The following HS6ST2 variants were observed in gnomAD, a reference collection of about 807,000 sequenced individuals.
HS6ST2 encodes the protein heparan sulfate 6-O-sulfotransferase 2.
In HS6ST2, 17 loss-of-function variants were observed where a neutral mutation model predicts 33.0. The ratio of observed to expected loss-of-function variants is 0.52; its 90% CI spans 0.35 to 0.77. The LOEUF (loss-of-function observed/expected upper bound fraction) is 0.77. Among genes scored for constraint, HS6ST2 ranks in the 30% least tolerant of loss-of-function variants. The pLI is 0.01. For missense variants in HS6ST2, 519 were observed against 551.7 expected (o/e 0.94, Z 0.59); for synonymous variants, 248 against 237.1 (o/e 1.05, Z -0.42).
At chrX:132,741,241 T>C (rs1181568852) in intron 2 of HS6ST2, among the ~76,000 whole-genome samples, 2 of 111,131 alleles carry the variant, frequency 1.8e-5, no homozygotes, top group Non-Finnish European at 3.8e-5. Flanking sequence ...CTTTAAGACT[T>C]GTTCTAGCCC....
chrX:132,958,892 A>G (rs1324640399), upstream of HS6ST2: 15 of 314,613 alleles, frequency 4.8e-5, no homozygotes, highest in African/African-American at 3.2e-4. Context: ...TCAGCATGAT[A>G]AAAAGACAGC....
In HS6ST2 at chrX:132,888,551, C is replaced by T. The variant is rs191504107; in HGVS notation, c.947+68257G>A. On this transcript the variant is annotated intron_variant, in intron 2 of 4. Coordinates refer to ENST00000370833, the MANE Select transcript of HS6ST2 (RefSeq NM_001394073.1). ...CAGAGTTTCATTACAGTTGCCCAGG[C>T]TGGAGTGCAACAGCATGATCACAGC... 5.4e-5 allele frequency among the ~76,000 whole-genome samples: 6 copies of T among 112,064 alleles called. No individual in the cohort carries two copies. The East Asian group carries it at 1.1e-3, about 21-fold the overall frequency.
At chrX:132,937,667 C>T (rs779129095) in intron 2 of HS6ST2, among the ~76,000 whole-genome samples, 23 of 111,544 alleles carry the variant, frequency 2.1e-4, no homozygotes, top group Non-Finnish European at 4.1e-4. Flanking sequence ...AAACTGGACC[C>T]TTAGCCCTCA....
At chrX:132,629,990 A>G (rs2063506516) in intron 4 of HS6ST2, among the ~76,000 whole-genome samples, 1 of 112,473 alleles carries the variant, frequency 8.9e-6, no homozygotes. Flanking sequence ...TAGGGCTTCA[A>G]ACAAAGTTCT....
chrX:132,723,989 A>T (rs2064364611), intron 2 of HS6ST2, among the ~76,000 whole-genome samples: 1 of 110,983 alleles, frequency 9.0e-6, no homozygotes, highest in Non-Finnish European at 1.9e-5. Flanking sequence ...ACAAAAAAAA[A>T]ATTAGCCAGG....
At chrX:132,727,221 T>G (rs1355588635) in intron 2 of HS6ST2, among the ~76,000 whole-genome samples, 1 of 92,363 alleles carries the variant, frequency 1.1e-5, no homozygotes, top group Non-Finnish European at 2.1e-5. Context: ...GTGGTAGAAC[T>G]ATTACTAGCA....
At chrX:132,706,856 A>T (rs2064192558) in intron 3 of HS6ST2, among the ~76,000 whole-genome samples, 1 of 111,956 alleles carries the variant, frequency 8.9e-6, no homozygotes, top group African/African-American at 3.2e-5. Flanking sequence ...TACATCATTC[A>T]GCTCACCAAA....
At chrX:132,809,047 G>A (rs1469317913) in intron 2 of HS6ST2, among the ~76,000 whole-genome samples, 1 of 111,989 alleles carries the variant, frequency 8.9e-6, no homozygotes, top group Non-Finnish European at 1.9e-5. Flanking sequence ...GGAGTGCACT[G>A]GTGTGATCTT....
Position 132,801,482 on chromosome X carries a change from C to T in HS6ST2, c.948-92988G>A, listed in dbSNP as rs933093519. 1.7e-4 allele frequency among the ~76,000 whole-genome samples: 19 copies of T among 111,583 alleles called. No individual in the cohort carries two copies. In the Admixed American group the frequency reaches 1.7e-3, roughly 10 times the overall value. ...TGGAAAGAAACATTAACATTTTTTA[C>T]TTGAAAAGAAGACTTGGCAGGATTG... On this transcript the variant is annotated intron_variant, in intron 2 of 4. Coordinates refer to ENST00000370833, the MANE Select transcript of HS6ST2 (RefSeq NM_001394073.1).
At chrX:132,664,351 C>A (rs2063795435) in intron 4 of HS6ST2, among the ~76,000 whole-genome samples, 1 of 112,121 alleles carries the variant, frequency 8.9e-6, no homozygotes, top group African/African-American at 3.2e-5. Context: ...TCATTTGACT[C>A]CTGCCAGCCA....
At chrX:132,773,200 A>T (rs1182347345) in intron 2 of HS6ST2, among the ~76,000 whole-genome samples, 8 of 101,120 alleles carry the variant, frequency 7.9e-5, no homozygotes, top group Middle Eastern at 0.011. Context: ...ATAAATATGT[A>T]ATATATAATA....
In HS6ST2 at chrX:132,850,615, G is replaced by A. The variant is rs150245828; in HGVS notation, c.947+106193C>T. Among the ~76,000 whole-genome samples, 641 of 111,419 alleles carry A rather than the reference G, an allele frequency of 5.8e-3. 2 individuals carry two copies. Among genetic ancestry groups the A allele is most frequent in the African/African-American group, 0.02 (610 of 30,681 alleles). On this transcript the variant is annotated intron_variant, in intron 2 of 4. Coordinates refer to ENST00000370833, the MANE Select transcript of HS6ST2 (RefSeq NM_001394073.1). ...GGGGAGACAGAAGAAAGGGATGGAG[G>A]TGGAGATAGAGGCGTTAAAGCACAG...
At chrX:132,663,127 A>G (rs1284026214) in intron 4 of HS6ST2, among the ~76,000 whole-genome samples, 1 of 112,327 alleles carries the variant, frequency 8.9e-6, no homozygotes, top group East Asian at 2.8e-4. Context: ...TCAGGACTCA[A>G]ATACAGGTCT....
chrX:132,721,837 C>T (rs1387959596), intron 2 of HS6ST2, among the ~76,000 whole-genome samples: 2 of 110,806 alleles, frequency 1.8e-5, no homozygotes, highest in Admixed American at 9.6e-5. Flanking sequence ...GGCTTATTAC[C>T]CTTCTTGCAA....
intron 2 of HS6ST2, among the ~76,000 whole-genome samples, chrX:132,751,956 T>C (rs1319738161): frequency 1.8e-5 from 2 of 111,920 alleles, no homozygotes; most frequent in Non-Finnish European, 3.8e-5. Context: ...TCCTTTAATC[T>C]CACAGCAACT....
intron 2 of HS6ST2, among the ~76,000 whole-genome samples, chrX:132,787,877 C>G (rs1428254210): frequency 9.4e-6 from 1 of 106,739 alleles, no homozygotes; most frequent in Non-Finnish European, 1.9e-5. Context: ...GGTGACAGAG[C>G]GAGACTCCAT....
intron 2 of HS6ST2, among the ~76,000 whole-genome samples, chrX:132,742,314 C>G (rs1290971545): frequency 8.9e-6 from 1 of 111,999 alleles, no homozygotes; most frequent in Non-Finnish European, 1.9e-5. Context: ...AGTCAAAGTT[C>G]AAATCTGGAA....
intron 2 of HS6ST2, among the ~76,000 whole-genome samples, chrX:132,927,049 C>T (rs2066717454): frequency 8.9e-6 from 1 of 111,754 alleles, no homozygotes; most frequent in Non-Finnish European, 1.9e-5. Flanking sequence ...TCCCCAAATT[C>T]CACATGTAAA....
At position 132,628,632 on chromosome X, in the gene HS6ST2, T is replaced by C. The variant is rs372287158; in HGVS notation, c.1529A>G (p.Asn510Ser). The change falls in exon 5 of 5, where the codon AAT becomes AGT. Residue 510 changes from asparagine (N) to serine (S), a missense_variant. Asn to Ser is a conservative substitution (Grantham distance 46). Coordinates refer to ENST00000370833, the MANE Select transcript of HS6ST2 (RefSeq NM_001394073.1). ...CTCAATACGCTTTTGAATTTCCTCATTGATCTCTACACTAGAGGCCCTAGT... is the reference window on the plus strand; with the variant it reads ...CTCAATACGCTTTTGAATTTCCTCACTGATCTCTACACTAGAGGCCCTAGT... ...NTTRASSVEI[N>S]EEIQKRIEGL... 2.5e-6 allele frequency: 3 copies of C among 1,208,831 alleles called. No homozygotes were observed. Among genetic ancestry groups the C allele is most frequent in the South Asian group, 1.8e-5 (1 of 56,746 alleles).
Sources: gnomAD v4.1 joint callset for allele counts (sites outside exome capture counted in the v4.1 genomes callset) on GRCh38, gnomAD v4.1.1 for gene constraint, MANE v1.5 for transcripts, NCBI Gene and HGNC (gene_info 2026-07-23, HGNC 2026-07-21) for gene names.